Variants in NID2 observed in about 807,000 individuals in gnomAD.
NID2 encodes nidogen-2.
Under a neutral mutation model 145.4 loss-of-function variants are expected in NID2, and 83 were observed. That is an observed-to-expected ratio of 0.57 (90% CI 0.48 to 0.69). The LOEUF (loss-of-function observed/expected upper bound fraction) is 0.69. NID2 is among the 30% of genes least tolerant of loss of function. The pLI, the probability that NID2 is intolerant of heterozygous loss-of-function variation, is 0.00. For synonymous variants in NID2, 739 were observed against 701.3 expected, an observed-to-expected ratio of 1.05 and a Z score of -0.85; for missense variants, 1,807 against 1,765.7, an observed-to-expected ratio of 1.02 and a Z score of -0.42.
chr14:52,024,172 GT>G (rs550020898), intron 12 of NID2, among the ~76,000 whole-genome samples: 250 of 152,264 alleles, frequency 1.6e-3, no homozygotes, highest in African/African-American at 5.8e-3. Flanking sequence ...AGTGGCTGTG[GT>G]AGGCAGCCTC....
chr14:52,041,956 A>G, intron 7 of NID2, 149 bp downstream of exon 7: 1 of 948,598 alleles, frequency 1.1e-6, no homozygotes, highest in Non-Finnish European at 1.5e-6. Flanking sequence ...ATTCCCAACA[A>G]CCTGTGGCCA....
At chr14:52,062,564 T>C (rs1187122960) in intron 2 of NID2, among the ~76,000 whole-genome samples, 1 of 152,100 alleles carries the variant, frequency 6.6e-6, no homozygotes, top group Non-Finnish European at 1.5e-5. Context: ...AGAAAAGTAC[T>C]AGAGGAAGGA....
intron 11 of NID2, 101 bp from the exon 12 acceptor site, chr14:52,027,445 G>T: frequency 9.4e-7 from 1 of 1,067,316 alleles, no homozygotes; most frequent in Non-Finnish European, 1.3e-6. Context: ...ACAGACCAGG[G>T]AATGCAGGTT....
At chr14:52,065,208 G>C (rs962307289) in intron 2 of NID2, among the ~76,000 whole-genome samples, 1 of 152,116 alleles carries the variant, frequency 6.6e-6, no homozygotes, top group Non-Finnish European at 1.5e-5. Context: ...TGTTTTTAAT[G>C]GCAAAGATGC....
At position 52,060,362 on chromosome 14, in the gene NID2, A is replaced by AG. The variant is rs1329317960; in HGVS notation, c.535-7dup. The AG allele has an allele frequency of 2.0e-6, 2 of 979,162 alleles. No individual in the cohort carries two copies. Among genetic ancestry groups the AG allele is most frequent in the Non-Finnish European group, 2.8e-6 (2 of 716,840 alleles). 60.7% of individuals were successfully genotyped at this position (979,162 alleles called of 1,614,324 possible). A position where few individuals can be genotyped will look rare whatever the true frequency, so the allele number is the denominator to read the frequency against. On this transcript the variant is annotated splice_region_variant and splice_polypyrimidine_tract_variant and intron_variant, in intron 2 of 21. Coordinates refer to ENST00000216286, the MANE Select transcript of NID2 (RefSeq NM_007361.4). ...ACTGCCTGGAAAGTGTTCAGCTGTGAGGAAAAAAAAAAAAAAAGAGAGAGA... is the reference window on the plus strand; with the variant it reads ...ACTGCCTGGAAAGTGTTCAGCTGTGAGGGAAAAAAAAAAAAAAAGAGAGAGA...
rs762715418 is a variant in NID2 at position 52,029,616 on chromosome 14, G to C, written c.2332C>G (p.Pro778Ala). ...HMCDTTARCHPGTGVDYTCEC... is the reference protein window; with the variant it reads ...HMCDTTARCHAGTGVDYTCEC... Reference sequence around the variant, plus strand: ...CAGGTGTAATCTACACCTGTCCCTGGATGGCACCGTGCTGTTGTGTCACAC... The same window carrying C: ...CAGGTGTAATCTACACCTGTCCCTGCATGGCACCGTGCTGTTGTGTCACAC... Residue 778 changes from proline to alanine, a missense_variant, in exon 10 of 22, where the codon CCA (proline) becomes GCA (alanine). Coordinates refer to ENST00000216286, the MANE Select transcript of NID2 (RefSeq NM_007361.4). The C allele has an allele frequency of 6.2e-7, 1 of 1,614,110 alleles. No individual in the cohort carries two copies. The highest frequency in any genetic ancestry group is 1.7e-4 in the Middle Eastern group (1 of 6,058).
intron 5 of NID2, among the ~76,000 whole-genome samples, chr14:52,044,266 CTTTTTTT>C (rs55972168): frequency 9.7e-4 from 110 of 113,950 alleles, no homozygotes; most frequent in African/African-American, 3.2e-3. Context: ...ATTTAACAAC[CTTTTTTT>C]TTTTTTTTTT....
rs139245220 is a variant in NID2, at chr14:52,065,196, A to G, written c.534+2662T>C. 5.9e-5 allele frequency among the ~76,000 whole-genome samples: 9 copies of G among 152,350 alleles called. No homozygotes were observed. In the East Asian group the frequency reaches 1.7e-3, roughly 29 times the overall value. Reference sequence around the variant, plus strand: ...ATGGAGAAAAAGGGCACCAACTGCAATTGTTTTTAATGGCAAAGATGCCAT... The same window carrying G: ...ATGGAGAAAAAGGGCACCAACTGCAGTTGTTTTTAATGGCAAAGATGCCAT... On this transcript the variant is annotated intron_variant, in intron 2 of 21. Coordinates refer to ENST00000216286, the MANE Select transcript of NID2 (RefSeq NM_007361.4).
At chr14:52,023,373 T>G (rs879289923) in intron 12 of NID2, among the ~76,000 whole-genome samples, 10 of 151,930 alleles carry the variant, frequency 6.6e-5, no homozygotes, top group Non-Finnish European at 1.5e-4. Context: ...GAGGATCACT[T>G]GAGCCTGGAA....
chr14:52,008,296 T>G, intron 18 of NID2: 1 of 206,012 alleles, frequency 4.9e-6, no homozygotes. Context: ...TTGAGGGCTG[T>G]TGGCCAGAGA....
At chr14:52,045,984 G>A (rs1566766677) in intron 5 of NID2, among the ~76,000 whole-genome samples, 1 of 152,170 alleles carries the variant, frequency 6.6e-6, no homozygotes, top group Non-Finnish European at 1.5e-5. Context: ...TCTTCTTAAT[G>A]TACTTCTGAA....
At chr14:52,013,707 G>A (rs1891112012) in intron 16 of NID2, among the ~76,000 whole-genome samples, 1 of 152,040 alleles carries the variant, frequency 6.6e-6, no homozygotes, top group African/African-American at 2.4e-5. Flanking sequence ...ACATCCCCTG[G>A]GGAAGGCTCC....
intron 9 of NID2, among the ~76,000 whole-genome samples, chr14:52,032,008 C>T (rs1891887262): frequency 2.0e-5 from 3 of 152,212 alleles, no homozygotes; most frequent in Admixed American, 2.0e-4. Flanking sequence ...ACCTCATAGA[C>T]TGGACTCGCT....
chr14:52,014,204 A>G, intron 16 of NID2, 83 bp downstream of exon 16: 1 of 1,565,454 alleles, frequency 6.4e-7, no homozygotes. Flanking sequence ...GCACCAGTCC[A>G]CCTCACTGCA....
rs1890764274 is a variant in NID2, at chr14:52,005,996, GAAGACCATTGCTCT to G, written c.4005-161_4005-148del. On this transcript the variant is annotated intron_variant, in intron 20 of 21. Coordinates refer to ENST00000216286, the MANE Select transcript of NID2 (RefSeq NM_007361.4). ...TGGTGCTAAAGCCATACTGAAGTTTGAAGACCATTGCTCTAAATCCATTGCTCATCTCTAGCTGC... is the reference window on the plus strand; with the variant it reads ...TGGTGCTAAAGCCATACTGAAGTTTGAAATCCATTGCTCATCTCTAGCTGC... 59 of 633,218 alleles carry G rather than the reference GAAGACCATTGCTCT, an allele frequency of 9.3e-5. No individual in the cohort carries two copies. The South Asian group carries it at 1.1e-3, about 11-fold the overall frequency. 39.2% of individuals were successfully genotyped at this position (633,218 alleles called of 1,614,324 possible).
At position 52,053,673 on chromosome 14, in the gene NID2, A is replaced by C; in HGVS notation, c.1335T>G (p.Val445=). The C allele has an allele frequency of 6.2e-7, 1 of 1,614,234 alleles. No individual in the cohort carries two copies. Among genetic ancestry groups the C allele is most frequent in the Non-Finnish European group, 8.5e-7 (1 of 1,180,054 alleles). The change falls in exon 5 of 22, where the codon GTT becomes GTG. Residue 445 remains valine, a synonymous_variant. Transcript: ENST00000216286. ...VPPAHPEEEI[V]LRSYPASGHT... is the part of the protein sequence containing the mutation. ...GACCTGAAGCAGGGTAACTTCGAAG[A>C]ACAATTTCTTCTTCAGGATGAGCTG...
intron 9 of NID2, among the ~76,000 whole-genome samples, chr14:52,030,650 G>A (rs1345247343): frequency 6.9e-6 from 1 of 144,226 alleles, no homozygotes; most frequent in Non-Finnish European, 1.5e-5. Flanking sequence ...AAGAAAAAGA[G>A]AAAGAAAGAA....
chr14:52,035,878 A>ACATACATATATATATATTTATATT (rs1555364238), intron 9 of NID2, among the ~76,000 whole-genome samples: 4 of 135,196 alleles, frequency 3.0e-5, no homozygotes, highest in African/African-American at 1.1e-4. Context: ...ATATATATAT[A>ACATACATATATATATATTTATATT]TGTTTTATTT....
chr14:52,013,880 C>T (rs1162545919), intron 16 of NID2, among the ~76,000 whole-genome samples: 3 of 152,150 alleles, frequency 2.0e-5, no homozygotes, highest in South Asian at 2.1e-4. Flanking sequence ...CCCAACAAAC[C>T]GCAGAGATCA....
Sources: allele counts gnomAD v4.1 joint callset (sites outside exome capture counted in the v4.1 genomes callset), GRCh38; gene constraint gnomAD v4.1.1; transcripts MANE v1.5; gene names NCBI Gene and HGNC (gene_info 2026-07-23, HGNC 2026-07-21).